PTPRG: variants seen among roughly 807,000 people sequenced by gnomAD.
The protein encoded by PTPRG is protein tyrosine phosphatase receptor type G, also known as receptor-type tyrosine-protein phosphatase gamma.
In PTPRG, 102 loss-of-function variants were observed where a neutral mutation model predicts 165.3. The ratio of observed to expected loss-of-function variants is 0.62; its 90% CI spans 0.53 to 0.73. The LOEUF (loss-of-function observed/expected upper bound fraction) is 0.73. PTPRG is among the 30% of genes least tolerant of loss of function. PTPRG has a pLI of 0.00. For missense variants in PTPRG, 1,866 were observed against 1,861.4 expected, an observed-to-expected ratio of 1.00 and a Z score of -0.05; for synonymous variants, 675 against 669.5, an observed-to-expected ratio of 1.01 and a Z score of -0.13.
intron 28 of PTPRG, among the ~76,000 whole-genome samples, chr3:62,284,977 A>G (rs959006767): frequency 1.3e-5 from 2 of 152,128 alleles, no homozygotes; most frequent in African/African-American, 4.8e-5. Flanking sequence ...ACACAGTTCA[A>G]AAGTCACTCT....
chr3:61,999,424 C>G (rs1198398840), intron 3 of PTPRG, among the ~76,000 whole-genome samples: 1 of 152,122 alleles, frequency 6.6e-6, no homozygotes, highest in African/African-American at 2.4e-5. Flanking sequence ...CCCAAAGGCC[C>G]TGACGCATCA....
chr3:61,812,867 T>G (rs549054014), intron 2 of PTPRG, among the ~76,000 whole-genome samples: 2 of 152,350 alleles, frequency 1.3e-5, no homozygotes, highest in South Asian at 4.1e-4. Flanking sequence ...GATGAATATT[T>G]AATGTGCTCC....
intron 2 of PTPRG, among the ~76,000 whole-genome samples, chr3:61,857,290 A>G (rs2037136194): frequency 6.6e-6 from 1 of 152,212 alleles, no homozygotes; most frequent in Non-Finnish European, 1.5e-5. Context: ...GGCCAAGGCA[A>G]GACTTGAACC....
At chr3:62,048,715 T>C (rs1466165353) in intron 4 of PTPRG, among the ~76,000 whole-genome samples, 1 of 152,232 alleles carries the variant, frequency 6.6e-6, no homozygotes, top group Non-Finnish European at 1.5e-5. Context: ...CAGAAAATCC[T>C]AGTGGTCCTT....
At chr3:62,009,920 T>TTGTA (rs144019374) in intron 4 of PTPRG, among the ~76,000 whole-genome samples, 9,776 of 152,076 alleles carry the variant, frequency 0.064, 516 homozygotes, top group African/African-American at 0.15. Context: ...GTATACATAT[T>TTGTA]TGTATGCATG....
chr3:61,916,613 ATC>A (rs1324704156), intron 2 of PTPRG, among the ~76,000 whole-genome samples: 1 of 152,114 alleles, frequency 6.6e-6, no homozygotes, highest in Non-Finnish European at 1.5e-5. Context: ...TTCTCTTTAA[ATC>A]TGTTATTGTT....
chr3:62,061,931 C>T (rs1160662576), intron 4 of PTPRG, among the ~76,000 whole-genome samples: 2 of 151,890 alleles, frequency 1.3e-5, no homozygotes, highest in African/African-American at 2.4e-5. Context: ...CGCCCAGCTG[C>T]CTGGCTTTCT....
chr3:61,588,254 T>G (rs1018726997), intron 1 of PTPRG, among the ~76,000 whole-genome samples: 12 of 152,314 alleles, frequency 7.9e-5, no homozygotes, highest in African/African-American at 2.6e-4. Context: ...GATCTGGTAC[T>G]CTTACTGCAG....
chr3:62,017,566 C>G (rs922433213), intron 4 of PTPRG, among the ~76,000 whole-genome samples: 7 of 150,222 alleles, frequency 4.7e-5, no homozygotes, highest in Admixed American at 3.3e-4. Context: ...CAGGCGCCCA[C>G]CACCGCGCCC....
chr3:61,676,855 C>G (rs968768350), intron 1 of PTPRG, among the ~76,000 whole-genome samples: 2 of 152,064 alleles, frequency 1.3e-5, no homozygotes, highest in Admixed American at 6.6e-5. Flanking sequence ...TATTGGCTTC[C>G]ATAGCTAGTT....
Position 62,262,289 on chromosome 3 carries a change from G to A in PTPRG, c.2560-509G>A, listed in dbSNP as rs142862274. ...TCAGCACTGAGTCTTTAGAGTCAAT[G>A]CACCCTCACAATTATAAAATGAGGC... On this transcript the variant is annotated intron_variant, in intron 16 of 29. Coordinates refer to ENST00000474889, the MANE Select transcript of PTPRG (RefSeq NM_002841.4). The A allele has an allele frequency of 4.1e-3, 619 of 152,312 alleles. 3 individuals carry two copies. Among genetic ancestry groups the A allele is most frequent in the Middle Eastern group, 0.014 (4 of 294 alleles). 9.4% of individuals were successfully genotyped at this position (152,312 alleles called of 1,614,324 possible).
intron 1 of PTPRG, among the ~76,000 whole-genome samples, chr3:61,728,224 G>A (rs969808297): frequency 3.3e-5 from 5 of 152,166 alleles, no homozygotes; most frequent in African/African-American, 7.2e-5. Flanking sequence ...GCACACACCC[G>A]TGCGACCTTG....
chr3:62,285,766 T>C (rs574253567), intron 28 of PTPRG, among the ~76,000 whole-genome samples: 41 of 152,256 alleles, frequency 2.7e-4, no homozygotes, highest in South Asian at 2.1e-4. Flanking sequence ...ATTTAGAACA[T>C]AGGCATGGTT....
At chr3:61,755,692 G>A (rs544878258) in intron 2 of PTPRG, among the ~76,000 whole-genome samples, 29 of 152,310 alleles carry the variant, frequency 1.9e-4, no homozygotes, top group South Asian at 1.7e-3. Flanking sequence ...AGCCTGGAGG[G>A]CTCTGGCAGT....
chr3:61,801,898 G>T lies in PTPRG; in HGVS notation c.190+52916G>T, dbSNP rs561511178. ...AAATTAGCTGGCCGTGGTGGCGTGC[G>T]CCTGTAGTCCCAGCTACTCAGGAGG... On this transcript the variant is annotated intron_variant, in intron 2 of 29. Coordinates refer to ENST00000474889, the MANE Select transcript of PTPRG (RefSeq NM_002841.4). 2.6e-5 allele frequency among the ~76,000 whole-genome samples: 4 copies of T among 152,012 alleles called. No individual in the cohort carries two copies. In the South Asian group the frequency reaches 8.4e-4, roughly 32 times the overall value.
chr3:62,021,504 C>A (rs892260738), intron 4 of PTPRG, among the ~76,000 whole-genome samples: 4 of 152,116 alleles, frequency 2.6e-5, no homozygotes, highest in Non-Finnish European at 5.9e-5. Context: ...GTATAGTATA[C>A]CCTTTTTGTT....
At chr3:61,787,765 A>G (rs2034752764) in intron 2 of PTPRG, among the ~76,000 whole-genome samples, 2 of 152,208 alleles carry the variant, frequency 1.3e-5, no homozygotes, top group Non-Finnish European at 2.9e-5. Context: ...CGATTTATTG[A>G]CTTGATGGGC....
intron 5 of PTPRG, among the ~76,000 whole-genome samples, chr3:62,109,226 G>A (rs761740585): frequency 7.2e-5 from 11 of 152,130 alleles, no homozygotes; most frequent in Non-Finnish European, 1.3e-4. Context: ...TTTGTATAAG[G>A]TGTAAGGAAG....
intron 2 of PTPRG, among the ~76,000 whole-genome samples, chr3:61,756,029 C>T (rs889716952): frequency 3.3e-5 from 5 of 152,038 alleles, no homozygotes; most frequent in African/African-American, 1.2e-4. Context: ...AATTCATTAT[C>T]GTTTGTACAA....
Sources: allele counts gnomAD v4.1 joint callset (sites outside exome capture counted in the v4.1 genomes callset), GRCh38; gene constraint gnomAD v4.1.1; transcripts MANE v1.5; gene names NCBI Gene and HGNC (gene_info 2026-07-23, HGNC 2026-07-21).